Variants in SPMAP2L observed in about 807,000 individuals in gnomAD.
The protein encoded by SPMAP2L is sperm microtubule associated protein 2 like, also known as sperm microtubule associated protein 2-like.
the SPMAP2L span, among the ~76,000 whole-genome samples, chr4:56,584,300 G>T: frequency 6.6e-6 from 1 of 152,046 alleles, no homozygotes; most frequent in Non-Finnish European, 1.5e-5. Flanking sequence ...TGGCAAAAAT[G>T]TACTTCTTAC....
At chr4:56,543,895 A>AGAGTGT in the SPMAP2L span, among the ~76,000 whole-genome samples, 10 of 109,418 alleles carry the variant, frequency 9.1e-5, no homozygotes, top group Non-Finnish European at 1.5e-4. Context: ...AGAGAGAGAG[A>AGAGTGT]GTGTGTGTGT....
the SPMAP2L span, among the ~76,000 whole-genome samples, chr4:56,599,447 T>G: frequency 6.6e-6 from 1 of 152,208 alleles, no homozygotes; most frequent in South Asian, 2.1e-4. Flanking sequence ...ATTTGTTACA[T>G]AGGTATACAT....
At chr4:56,581,788 T>C in the SPMAP2L span, among the ~76,000 whole-genome samples, 1 of 152,086 alleles carries the variant, frequency 6.6e-6, no homozygotes, top group Non-Finnish European at 1.5e-5. Context: ...AAAGCTGCAG[T>C]AATTAAGACA....
the SPMAP2L span, among the ~76,000 whole-genome samples, chr4:56,588,642 G>A: frequency 6.6e-6 from 1 of 152,088 alleles, no homozygotes; most frequent in Non-Finnish European, 1.5e-5. Context: ...TACGGGTTAG[G>A]CTGGTCTTGA....
At chr4:56,602,003 G>T in the SPMAP2L span, among the ~76,000 whole-genome samples, 1 of 152,198 alleles carries the variant, frequency 6.6e-6, no homozygotes, top group African/African-American at 2.4e-5. Context: ...GGGGCCTAGG[G>T]AATTGGGATA....
chr4:56,577,324 G>A, the SPMAP2L span, among the ~76,000 whole-genome samples: 2 of 152,016 alleles, frequency 1.3e-5, no homozygotes, highest in South Asian at 2.1e-4. Flanking sequence ...AGAATAGACT[G>A]AAAGTAAAAA....
the SPMAP2L span, among the ~76,000 whole-genome samples, chr4:56,601,589 A>G: frequency 6.6e-6 from 1 of 151,892 alleles, no homozygotes; most frequent in Non-Finnish European, 1.5e-5. Flanking sequence ...TGAGACCCCC[A>G]TCTCTTCAAA....
chr4:56,621,613 T>C, the SPMAP2L span, among the ~76,000 whole-genome samples: 3 of 152,220 alleles, frequency 2.0e-5, no homozygotes, highest in South Asian at 6.2e-4. Flanking sequence ...GAAGTGATGC[T>C]GATTGAACAC....
the SPMAP2L span, chr4:56,603,486 G>C: frequency 8.0e-6 from 4 of 497,658 alleles, no homozygotes; most frequent in Admixed American, 7.1e-5. Context: ...AATAGCAGTT[G>C]TTGCTGTTAA....
At chr4:56,541,831 A>G in the SPMAP2L span, among the ~76,000 whole-genome samples, 1 of 152,026 alleles carries the variant, frequency 6.6e-6, no homozygotes, top group African/African-American at 2.4e-5. Context: ...TCTTTTTTCT[A>G]TAGAGATGGA....
the SPMAP2L span, among the ~76,000 whole-genome samples, chr4:56,554,007 T>C: frequency 6.6e-6 from 1 of 152,016 alleles, no homozygotes; most frequent in Non-Finnish European, 1.5e-5. Context: ...GTTTTTTTTT[T>C]TGTCTTGATA....
chr4:56,558,703 C>A, the SPMAP2L span, among the ~76,000 whole-genome samples: 118 of 152,290 alleles, frequency 7.7e-4, no homozygotes, highest in Non-Finnish European at 1.2e-4. Flanking sequence ...ATATTTACCC[C>A]TATCCAAAGA....
At chr4:56,591,860 C>T in the SPMAP2L span, among the ~76,000 whole-genome samples, 4 of 152,066 alleles carry the variant, frequency 2.6e-5, no homozygotes, top group African/African-American at 9.7e-5. Flanking sequence ...CTTATCTATT[C>T]CAATTAGAAG....
At chr4:56,573,160 T>C in the SPMAP2L span, among the ~76,000 whole-genome samples, 1 of 152,172 alleles carries the variant, frequency 6.6e-6, no homozygotes, top group Admixed American at 6.6e-5. Flanking sequence ...AAGGAAAAGA[T>C]ATGCAAATAT....
the SPMAP2L span, among the ~76,000 whole-genome samples, chr4:56,591,060 T>C: frequency 2.4e-4 from 37 of 152,294 alleles, no homozygotes; most frequent in African/African-American, 8.7e-4. Context: ...TATGTTATGG[T>C]TTGATTTGTG....
At chr4:56,551,696 C>T in the SPMAP2L span, among the ~76,000 whole-genome samples, 1 of 152,138 alleles carries the variant, frequency 6.6e-6, no homozygotes, top group African/African-American at 2.4e-5. Flanking sequence ...TATGAGTCAC[C>T]ACAACATAGG....
At chr4:56,592,491 C>A in the SPMAP2L span, among the ~76,000 whole-genome samples, 1 of 152,276 alleles carries the variant, frequency 6.6e-6, no homozygotes, top group Non-Finnish European at 1.5e-5. Context: ...TGGTTGAGCG[C>A]AGCGCCCATT....
chr4:56,541,512 TA>T, the SPMAP2L span, among the ~76,000 whole-genome samples: 9 of 152,272 alleles, frequency 5.9e-5, no homozygotes, highest in Admixed American at 2.6e-4. Context: ...AAACGTAAAA[TA>T]TTTTTTTATT....
At chr4:56,549,269 G>T in the SPMAP2L span, among the ~76,000 whole-genome samples, 2 of 152,116 alleles carry the variant, frequency 1.3e-5, no homozygotes, top group Non-Finnish European at 2.9e-5. Context: ...TTACAGGGGT[G>T]AGCCATCGTG....
Sources: gnomAD v4.1 joint callset for allele counts (sites outside exome capture counted in the v4.1 genomes callset) on GRCh38, gnomAD v4.1.1 for gene constraint, MANE v1.5 for transcripts, NCBI Gene and HGNC (gene_info 2026-07-23, HGNC 2026-07-21) for gene names.